The following BMP6 variants were observed in gnomAD, a reference collection of about 807,000 sequenced individuals.
The protein encoded by BMP6 is VG-1-R.
BMP6 carries 17 observed loss-of-function variants against 54.1 expected under a neutral mutation model. That is an observed-to-expected ratio of 0.31 (90% confidence interval 0.22 to 0.47). BMP6 has a LOEUF of 0.47. BMP6 is among the 20% of genes least tolerant of loss of function. The probability of loss-of-function intolerance (pLI) is 1.00; values close to 1 mark genes in which losing one functional copy is unlikely to be tolerated. For synonymous variants in BMP6, 328 were observed against 291.2 expected (o/e 1.13, Z -1.28); for missense variants, 720 against 690.4 (o/e 1.04, Z -0.48).
chr6:7,798,450 C>A (rs1239784164), intron 1 of BMP6, among the ~76,000 whole-genome samples: 4 of 152,214 alleles, frequency 2.6e-5, no homozygotes, highest in African/African-American at 9.6e-5. Context: ...ACCACCCTTC[C>A]AGTCCAGCAC....
At chr6:7,771,192 T>C (rs903229054) in intron 1 of BMP6, among the ~76,000 whole-genome samples, 13 of 152,224 alleles carry the variant, frequency 8.5e-5, no homozygotes, top group African/African-American at 3.1e-4. Flanking sequence ...ATAACAGATA[T>C]GTACCTGACA....
At chr6:7,834,207 G>A (rs1469004033) in intron 1 of BMP6, among the ~76,000 whole-genome samples, 3,867 of 111,136 alleles carry the variant, frequency 0.035, 148 homozygotes, top group African/African-American at 0.11. Context: ...TTTTTTTTTA[G>A]GAAAAAAAAG....
chr6:7,879,169 G>A lies in BMP6; in HGVS notation c.1281+19G>A. 3 of 1,602,920 alleles carry A rather than the reference G, an allele frequency of 1.9e-6. No homozygotes were observed. The highest frequency in any genetic ancestry group is 1.3e-5 in the African/African-American group (1 of 74,792). ...ATGGCAGGTGAGTTCTCTGGACACG[G>A]GGGATAAAGGTCCTTTCTCAGCAGT... On this transcript the variant is annotated intron_variant, in intron 5 of 6. Coordinates refer to ENST00000283147, the MANE Select transcript of BMP6 (RefSeq NM_001718.6).
chr6:7,761,473 T>C (rs187073794), intron 1 of BMP6, among the ~76,000 whole-genome samples: 1 of 152,306 alleles, frequency 6.6e-6, no homozygotes, highest in Admixed American at 6.5e-5. Flanking sequence ...TGTAATAGAC[T>C]CAGGGTGATC....
chr6:7,786,460 GTTT>G (rs35750746), intron 1 of BMP6, among the ~76,000 whole-genome samples: 60,917 of 135,130 alleles, frequency 0.45, 13,352 homozygotes, highest in African/African-American at 0.52. Flanking sequence ...TCTTTAGTCT[GTTT>G]TTTTTTTTTT....
intron 1 of BMP6, among the ~76,000 whole-genome samples, chr6:7,818,273 G>A (rs952393306): frequency 2.0e-5 from 3 of 152,002 alleles, no homozygotes; most frequent in African/African-American, 7.3e-5. Flanking sequence ...TGGCAACCTC[G>A]TGTTTGTTTT....
At position 7,832,963 on chromosome 6, in the gene BMP6, G is replaced by A. The variant is rs1181560327; in HGVS notation, c.665-12177G>A. Among the ~76,000 whole-genome samples, 3 of 152,006 alleles carry A rather than the reference G, an allele frequency of 2.0e-5. No homozygotes were observed. In the South Asian group the frequency reaches 6.2e-4, roughly 32 times the overall value. ...TGAGGGACGAGGGTGGGAGGTGGCT[G>A]TGGGGTACAGGCTGAAGGGCTCTTG... is the stretch of plus-strand genomic sequence containing the variant. On this transcript the variant is annotated intron_variant, in intron 1 of 6. Transcript: ENST00000283147.
intron 1 of BMP6, among the ~76,000 whole-genome samples, chr6:7,759,696 CTTTTTTTTTT>C (rs71542880): frequency 1.1e-4 from 7 of 62,150 alleles, no homozygotes; most frequent in African/African-American, 3.9e-4. Context: ...CTTTCTTCTT[CTTTTTTTTTT>C]TTTTTTTTTT....
Position 7,727,268 on chromosome 6 carries a change from C to A in BMP6, c.313C>A (p.Pro105Thr), listed in dbSNP as rs746287546. The A allele has an allele frequency of 6.2e-7, 1 of 1,605,656 alleles. No individual in the cohort carries two copies. Among genetic ancestry groups the A allele is most frequent in the Non-Finnish European group, 8.5e-7 (1 of 1,176,758 alleles). The change falls in exon 1 of 7, where the codon CCG (proline) becomes ACG (threonine). Residue 105 changes from proline to threonine, a missense_variant. Coordinates refer to ENST00000283147, the MANE Select transcript of BMP6 (RefSeq NM_001718.6). ...PLHGLQQPQP[P>T]ALRQQEEQQQ... Reference sequence around the variant, plus strand: ...GCACGGCCTCCAACAGCCGCAGCCCCCGGCGCTCCGGCAGCAGGAGGAGCA... The same window carrying A: ...GCACGGCCTCCAACAGCCGCAGCCCACGGCGCTCCGGCAGCAGGAGGAGCA...
chr6:7,736,527 A>G (rs1475233008), intron 1 of BMP6, among the ~76,000 whole-genome samples: 2 of 152,244 alleles, frequency 1.3e-5, no homozygotes, highest in African/African-American at 2.4e-5. Context: ...GACTATTTAG[A>G]TCAGAGTAAA....
At chr6:7,785,934 TA>T (rs969861833) in intron 1 of BMP6, among the ~76,000 whole-genome samples, 31 of 148,194 alleles carry the variant, frequency 2.1e-4, no homozygotes, top group East Asian at 3.9e-4. Context: ...GAACCTTTAT[TA>T]AAAAAAAAAA....
chr6:7,775,148 C>G (rs1757844889), intron 1 of BMP6, among the ~76,000 whole-genome samples: 1 of 152,196 alleles, frequency 6.6e-6, no homozygotes, highest in Non-Finnish European at 1.5e-5. Flanking sequence ...GGGATTAAGT[C>G]TCCAACACAT....
At chr6:7,861,066 CAG>C (rs1248141916) in intron 2 of BMP6, among the ~76,000 whole-genome samples, 1 of 148,522 alleles carries the variant, frequency 6.7e-6, no homozygotes, top group Admixed American at 6.7e-5. Context: ...GCCTAGGTGA[CAG>C]AGTGAGACCC....
chr6:7,776,408 G>C (rs1757861340), intron 1 of BMP6, among the ~76,000 whole-genome samples: 1 of 152,228 alleles, frequency 6.6e-6, no homozygotes, highest in South Asian at 2.1e-4. Flanking sequence ...TGGCTTAGAT[G>C]TATAGCTTCT....
At chr6:7,852,794 T>C (rs1273977252) in intron 2 of BMP6, among the ~76,000 whole-genome samples, 3 of 152,138 alleles carry the variant, frequency 2.0e-5, no homozygotes, top group African/African-American at 7.2e-5. Context: ...CACAGCTTAA[T>C]ATCTGGTAAA....
intron 1 of BMP6, among the ~76,000 whole-genome samples, chr6:7,807,810 A>G (rs928333774): frequency 2.6e-5 from 4 of 152,142 alleles, no homozygotes; most frequent in Non-Finnish European, 4.4e-5. Context: ...ATTACACTTC[A>G]GGTACACTTT....
intron 4 of BMP6, among the ~76,000 whole-genome samples, chr6:7,873,047 C>G (rs1759554864): frequency 6.6e-6 from 1 of 152,114 alleles, no homozygotes; most frequent in Non-Finnish European, 1.5e-5. Context: ...TTCAAACAGT[C>G]TTCCCACCTT....
intron 1 of BMP6, among the ~76,000 whole-genome samples, chr6:7,729,728 A>G (rs1244648768): frequency 6.6e-6 from 1 of 152,210 alleles, no homozygotes; most frequent in Non-Finnish European, 1.5e-5. Context: ...AGAGATGAAG[A>G]GCAAAGCTTT....
At chr6:7,740,197 G>A (rs944766984) in intron 1 of BMP6, among the ~76,000 whole-genome samples, 2 of 152,044 alleles carry the variant, frequency 1.3e-5, no homozygotes, top group Non-Finnish European at 2.9e-5. Flanking sequence ...GGTAGCTGTT[G>A]GGTTCAGAAA....
Sources: allele counts gnomAD v4.1 joint callset (sites outside exome capture counted in the v4.1 genomes callset), GRCh38; gene constraint gnomAD v4.1.1; transcripts MANE v1.5; gene names NCBI Gene and HGNC (gene_info 2026-07-23, HGNC 2026-07-21).